FGGY: variants seen among roughly 807,000 people sequenced by gnomAD.
FGGY encodes FGGY carbohydrate kinase domain-containing protein.
In FGGY, 72 loss-of-function variants were observed where a neutral mutation model predicts 71.3. The observed-to-expected ratio is 1.01, with a 90% confidence interval of 0.84 to 1.23. FGGY has a LOEUF of 1.23. Among genes scored for constraint, FGGY ranks in the 50% most tolerant of loss-of-function variants. FGGY has a pLI of 0.00. For synonymous variants in FGGY, 251 were observed against 250.3 expected, an observed-to-expected ratio of 1.00 and a Z score of -0.02; for missense variants, 668 against 682.3, an observed-to-expected ratio of 0.98 and a Z score of 0.23.
At chr1:59,325,878 T>C (rs1212562421) in intron 2 of FGGY, among the ~76,000 whole-genome samples, 1 of 152,252 alleles carries the variant, frequency 6.6e-6, no homozygotes, top group African/African-American at 2.4e-5. Flanking sequence ...TTCCTCTCTG[T>C]CTTCCTCCCT....
intron 4 of FGGY, among the ~76,000 whole-genome samples, chr1:59,364,192 GC>G (rs930355344): frequency 6.6e-6 from 1 of 152,140 alleles, no homozygotes; most frequent in Non-Finnish European, 1.5e-5. Flanking sequence ...CCCCACTGCA[GC>G]CCCCCTCTCC....
chr1:59,635,713 G>A (rs967883781), intron 10 of FGGY, among the ~76,000 whole-genome samples: 1 of 152,236 alleles, frequency 6.6e-6, no homozygotes, highest in African/African-American at 2.4e-5. Flanking sequence ...AGAGCAAAGA[G>A]ATGGAAAACC....
At chr1:59,691,646 T>C (rs113775027) in intron 14 of FGGY, among the ~76,000 whole-genome samples, 230 of 151,366 alleles carry the variant, frequency 1.5e-3, no homozygotes, top group East Asian at 4.1e-3. Flanking sequence ...CTTTTCTTTT[T>C]TTTTTTTTTT....
chr1:59,375,696 A>G (rs1348326526), intron 4 of FGGY, among the ~76,000 whole-genome samples: 1 of 152,080 alleles, frequency 6.6e-6, no homozygotes, highest in Non-Finnish European at 1.5e-5. Context: ...TGTGGTCTCA[A>G]AAAGAAAGAA....
rs144804887 is a variant in FGGY, at chr1:59,464,799, C to G, written c.670+7723C>G. On this transcript the variant is annotated intron_variant, in intron 6 of 15. Coordinates refer to ENST00000303721, the MANE Select transcript of FGGY (RefSeq NM_018291.5). ...AAATGGATAAATTCCTGGACACATA[C>G]ACCTTCCCAAGACTAAACCAGGAAA... Among the ~76,000 whole-genome samples the G allele has an allele frequency of 8.4e-3, 1,283 of 152,266 alleles. 17 individuals carry two copies. The highest frequency in any genetic ancestry group is 0.029 in the African/African-American group (1,206 of 41,558).
chr1:59,589,494 GCACCA>G (rs1194684642), intron 8 of FGGY, among the ~76,000 whole-genome samples: 7 of 152,102 alleles, frequency 4.6e-5, no homozygotes, highest in African/African-American at 1.7e-4. Flanking sequence ...ATTTTTTCCA[GCACCA>G]CACCACACCT....
intron 9 of FGGY, among the ~76,000 whole-genome samples, chr1:59,615,589 A>G (rs2096743235): frequency 6.6e-6 from 1 of 152,230 alleles, no homozygotes; most frequent in Non-Finnish European, 1.5e-5. Flanking sequence ...GGCATGGGCA[A>G]GGACTTCATG....
Position 59,672,568 on chromosome 1 carries a change from T to C in FGGY, c.1418-1471T>C, listed in dbSNP as rs532379636. ...AGCATTCCCACCCCACCTGACACCATGTTGGCAATGTCTTAAGTCCTGGCC... is the reference window on the plus strand; with the variant it reads ...AGCATTCCCACCCCACCTGACACCACGTTGGCAATGTCTTAAGTCCTGGCC... On this transcript the variant is annotated intron_variant, in intron 13 of 15. Transcript: ENST00000303721. Among the ~76,000 whole-genome samples the C allele has an allele frequency of 4.6e-5, 7 of 152,224 alleles. No individual in the cohort carries two copies. In the East Asian group the frequency reaches 1.2e-3, roughly 25 times the overall value.
Position 59,759,291 on chromosome 1 carries a change from C to T in FGGY, c.1574+1299C>T, listed in dbSNP as rs1397240213. Among the ~76,000 whole-genome samples, 3 of 152,116 alleles carry T rather than the reference C, an allele frequency of 2.0e-5. No individual in the cohort carries two copies. In the East Asian group the frequency reaches 5.8e-4, roughly 29 times the overall value. On this transcript the variant is annotated intron_variant, in intron 15 of 15. Coordinates refer to ENST00000303721, the MANE Select transcript of FGGY (RefSeq NM_018291.5). ...TCCACATAGAGTCAGGCTGCTAACC[C>T]TCCGAATATAAACCCTTCTCTAAAG...
At chr1:59,604,863 A>T (rs2096608792) in intron 8 of FGGY, among the ~76,000 whole-genome samples, 1 of 152,208 alleles carries the variant, frequency 6.6e-6, no homozygotes. Context: ...CTGGGTCCTA[A>T]GTGGTAATGA....
intron 5 of FGGY, among the ~76,000 whole-genome samples, chr1:59,383,983 T>A (rs2059785260): frequency 1.3e-5 from 2 of 152,184 alleles, no homozygotes; most frequent in Admixed American, 1.3e-4. Context: ...ATAAACTTTC[T>A]AAATTGATTG....
chr1:59,613,244 G>C (rs554941706), intron 9 of FGGY, among the ~76,000 whole-genome samples: 1 of 152,278 alleles, frequency 6.6e-6, no homozygotes, highest in East Asian at 1.9e-4. Flanking sequence ...CCACATAGTT[G>C]GAAGTAAAGA....
At chr1:59,503,763 A>G (rs994511452) in intron 6 of FGGY, among the ~76,000 whole-genome samples, 1 of 151,682 alleles carries the variant, frequency 6.6e-6, no homozygotes, top group Non-Finnish European at 1.5e-5. Flanking sequence ...ATGTATAATA[A>G]CACCACAAAT....
chr1:59,408,574 T>G (rs564136767), intron 5 of FGGY, among the ~76,000 whole-genome samples: 50 of 152,326 alleles, frequency 3.3e-4, no homozygotes, highest in African/African-American at 1.2e-3. Context: ...TGTATAAATA[T>G]TCTGTCTCTC....
chr1:59,573,542 G>T (rs1316575189), intron 8 of FGGY, among the ~76,000 whole-genome samples: 3 of 151,906 alleles, frequency 2.0e-5, no homozygotes, highest in Non-Finnish European at 4.4e-5. Context: ...GTAAAACATT[G>T]GGAAAATCTA....
At chr1:59,490,598 C>A (rs1015378754) in intron 6 of FGGY, among the ~76,000 whole-genome samples, 2 of 152,000 alleles carry the variant, frequency 1.3e-5, no homozygotes, top group Non-Finnish European at 2.9e-5. Flanking sequence ...TTTTCCCTGG[C>A]CAATATCCTG....
chr1:59,422,418 G>A (rs149546787), intron 5 of FGGY, among the ~76,000 whole-genome samples: 4 of 152,296 alleles, frequency 2.6e-5, no homozygotes, highest in African/African-American at 9.6e-5. Flanking sequence ...GCTGGGCTGG[G>A]CGTGGTGATT....
At chr1:59,531,056 G>A (rs1175337746) in intron 7 of FGGY, among the ~76,000 whole-genome samples, 1 of 152,128 alleles carries the variant, frequency 6.6e-6, no homozygotes, top group South Asian at 2.1e-4. Flanking sequence ...TAATGCATGG[G>A]CTTAAAGTGC....
intron 7 of FGGY, among the ~76,000 whole-genome samples, chr1:59,522,610 GTTAA>G (rs2094867042): frequency 6.6e-6 from 1 of 152,128 alleles, no homozygotes; most frequent in Non-Finnish European, 1.5e-5. Flanking sequence ...TACTAAATTT[GTTAA>G]TTAATGCTTA....
Sources: allele counts gnomAD v4.1 joint callset (sites outside exome capture counted in the v4.1 genomes callset), GRCh38; gene constraint gnomAD v4.1.1; transcripts MANE v1.5; gene names NCBI Gene and HGNC (gene_info 2026-07-23, HGNC 2026-07-21).